STIMATE: variants seen among roughly 807,000 people sequenced by gnomAD.
STIMATE encodes the protein store-operated calcium entry regulator STIMATE.
Under a neutral mutation model 36.7 loss-of-function variants are expected in STIMATE, and 15 were observed. The observed-to-expected ratio is 0.41, with a 90% CI of 0.27 to 0.63. The LOEUF is 0.63. Ranked by LOEUF, STIMATE falls within the 20% of genes least tolerant of loss-of-function variation. The pLI is 0.32. For synonymous variants in STIMATE, 163 were observed against 162.3 expected, an observed-to-expected ratio of 1.00 and a Z score of -0.03; for missense variants, 305 against 397.3, an observed-to-expected ratio of 0.77 and a Z score of 1.98.
intron 1 of STIMATE, among the ~76,000 whole-genome samples, chr3:52,888,005 T>C (rs796778312): frequency 6.6e-5 from 9 of 136,800 alleles, no homozygotes; most frequent in African/African-American, 2.4e-4. Context: ...TTTTTTTTTT[T>C]TTTTTTTTTT....
intron 1 of STIMATE, chr3:52,895,977 T>G: frequency 7.8e-7 from 1 of 1,288,464 alleles, no homozygotes; most frequent in East Asian, 5.6e-5. Flanking sequence ...AGTGGGTATT[T>G]GTTTAGCAGA....
rs1446434849 is a variant in STIMATE, at chr3:52,842,788, TTGGAGAG to T, written c.768+16_768+22del. ...GCCAGCGATACGACGGCTTGGGCCC[TTGGAGAG>T]TCAGGGAGGCCCTACCTCAGACTCA... On this transcript the variant is annotated intron_variant, in intron 7 of 7. Transcript: ENST00000355083. The T allele has an allele frequency of 1.2e-6, 2 of 1,613,940 alleles. No homozygotes were observed. The highest frequency in any genetic ancestry group is 1.7e-6 in the Non-Finnish European group (2 of 1,179,970).
At chr3:52,871,886 C>G (rs1701414650) in intron 1 of STIMATE, among the ~76,000 whole-genome samples, 1 of 152,114 alleles carries the variant, frequency 6.6e-6, no homozygotes, top group Admixed American at 6.5e-5. Flanking sequence ...ACGGCAGGCT[C>G]CTTCTCTGGC....
chr3:52,859,162 C>CAAAAA (rs201031735), intron 1 of STIMATE, among the ~76,000 whole-genome samples: 3 of 83,164 alleles, frequency 3.6e-5, no homozygotes, highest in African/African-American at 8.6e-5. Context: ...GACTCCATCT[C>CAAAAA]AAAAAAAATA....
chr3:52,859,531 A>AATAAATTT (rs748928249), intron 1 of STIMATE, among the ~76,000 whole-genome samples: 3 of 18,810 alleles, frequency 1.6e-4, no homozygotes, highest in African/African-American at 3.8e-4. Context: ...AAAAAAAAAA[A>AATAAATTT]TTTTTTTTTT....
intron 1 of STIMATE, among the ~76,000 whole-genome samples, chr3:52,888,155 C>G (rs549409558): frequency 6.6e-6 from 1 of 152,150 alleles, no homozygotes; most frequent in East Asian, 1.9e-4. Context: ...TCTCCAGCCT[C>G]TCACGTGCTT....
chr3:52,882,142 G>C (rs1700212293), intron 1 of STIMATE, among the ~76,000 whole-genome samples: 1 of 152,224 alleles, frequency 6.6e-6, no homozygotes, highest in Non-Finnish European at 1.5e-5. Context: ...GGCTCACACA[G>C]GGCTGGGGGC....
intron 4 of STIMATE, among the ~76,000 whole-genome samples, chr3:52,845,594 TGGGC>T (rs1700880404): frequency 6.6e-6 from 1 of 152,186 alleles, no homozygotes; most frequent in African/African-American, 2.4e-5. Flanking sequence ...GTGGGAGGGA[TGGGC>T]CGGGGCCCAG....
intron 3 of STIMATE, 93 bp from the exon 4 acceptor site, chr3:52,850,006 C>G (rs974076752): frequency 6.1e-6 from 9 of 1,481,700 alleles, no homozygotes; most frequent in Non-Finnish European, 8.1e-6. Context: ...GCGGATGGAC[C>G]CAGCATTTGT....
intron 1 of STIMATE, 47 bp from the exon 2 acceptor site, chr3:52,855,491 A>G: frequency 1.2e-6 from 2 of 1,613,190 alleles, no homozygotes; most frequent in Non-Finnish European, 1.7e-6. Flanking sequence ...AAGTTACATA[A>G]AGCAAGATGC....
chr3:52,860,089 T>A (rs1575334090), intron 1 of STIMATE, among the ~76,000 whole-genome samples: 1 of 137,428 alleles, frequency 7.3e-6, no homozygotes, highest in Non-Finnish European at 1.5e-5. Context: ...GAGGAAATAC[T>A]AAGAGAGCTT....
At chr3:52,896,412 ACTT>A (rs983669967) in intron 1 of STIMATE, among the ~76,000 whole-genome samples, 3 of 152,156 alleles carry the variant, frequency 2.0e-5, no homozygotes, top group Non-Finnish European at 2.9e-5. Context: ...GTCGAGCAAA[ACTT>A]CTTGTTACTT....
chr3:52,865,299 T>C (rs751696842), intron 1 of STIMATE, among the ~76,000 whole-genome samples: 1 of 152,214 alleles, frequency 6.6e-6, no homozygotes, highest in Non-Finnish European at 1.5e-5. Flanking sequence ...TCCTTTCTTC[T>C]GCACCCTCCA....
At chr3:52,895,336 G>A (rs1210315594) in intron 1 of STIMATE, among the ~76,000 whole-genome samples, 1 of 152,158 alleles carries the variant, frequency 6.6e-6, no homozygotes, top group Non-Finnish European at 1.5e-5. Flanking sequence ...CTGCTTCTAG[G>A]TAGGGGGAGG....
intron 1 of STIMATE, among the ~76,000 whole-genome samples, chr3:52,880,971 T>C (rs1432552796): frequency 6.6e-6 from 1 of 151,592 alleles, no homozygotes; most frequent in Non-Finnish European, 1.5e-5. Flanking sequence ...GGTGGATCAC[T>C]TGAGGTCAGG....
chr3:52,847,554 A>G (rs1214857996), intron 4 of STIMATE: 1 of 1,289,740 alleles, frequency 7.8e-7, no homozygotes, highest in Admixed American at 2.3e-5. Flanking sequence ...CTTCTCTTCT[A>G]GGAACAAAAG....
intron 1 of STIMATE, among the ~76,000 whole-genome samples, chr3:52,864,394 G>A (rs977994050): frequency 6.6e-6 from 1 of 152,172 alleles, no homozygotes; most frequent in Admixed American, 6.5e-5. Context: ...CGGCTGGGAT[G>A]CACGGCACCA....
chr3:52,869,422 C>A (rs1351970203), intron 1 of STIMATE, among the ~76,000 whole-genome samples: 1 of 152,240 alleles, frequency 6.6e-6, no homozygotes, highest in Non-Finnish European at 1.5e-5. Context: ...CTCATACTGT[C>A]CCCTTGGCGT....
intron 1 of STIMATE, among the ~76,000 whole-genome samples, chr3:52,880,455 T>C (rs1370446206): frequency 1.3e-5 from 2 of 152,210 alleles, no homozygotes; most frequent in Non-Finnish European, 1.5e-5. Flanking sequence ...TCATCTGCTA[T>C]AAGAACCAGG....
Sources: allele counts gnomAD v4.1 joint callset (sites outside exome capture counted in the v4.1 genomes callset), GRCh38; gene constraint gnomAD v4.1.1; transcripts MANE v1.5; gene names NCBI Gene and HGNC (gene_info 2026-07-23, HGNC 2026-07-21).